The following PCDHGC3 variants were observed in gnomAD, a reference collection of about 807,000 sequenced individuals.
PCDHGC3 encodes the protein protocadherin gamma-C3.
In PCDHGC3, 26 loss-of-function variants were observed where a neutral mutation model predicts 59.2. That is an observed-to-expected ratio of 0.44 (90% CI 0.32 to 0.61). The LOEUF (loss-of-function observed/expected upper bound fraction) is 0.61, where lower values mean the gene tolerates loss of function less well. Ranked by LOEUF, PCDHGC3 falls within the 20% of genes least tolerant of loss-of-function variation. The probability of loss-of-function intolerance (pLI) is 0.05; values close to 1 mark genes in which losing one functional copy is unlikely to be tolerated. For synonymous variants in PCDHGC3, 487 were observed against 519.7 expected, an observed-to-expected ratio of 0.94 and a Z score of 0.86; for missense variants, 1,080 against 1,221.8, an observed-to-expected ratio of 0.88 and a Z score of 1.73.
At chr5:141,499,019 AG>A (rs2099788634) in intron 2 of PCDHGC3, among the ~76,000 whole-genome samples, 3 of 150,840 alleles carry the variant, frequency 2.0e-5, no homozygotes, top group Non-Finnish European at 3.0e-5. Context: ...GAAGGAAGGA[AG>A]GAAGGAAGAA....
chr5:141,500,937 C>G (rs910002814), intron 2 of PCDHGC3, among the ~76,000 whole-genome samples: 1 of 151,804 alleles, frequency 6.6e-6, no homozygotes, highest in Non-Finnish European at 1.5e-5. Context: ...GGCGCCATCT[C>G]GGCTCACTGC....
At position 141,505,504 on chromosome 5, in the gene PCDHGC3, T is replaced by C. The variant is rs756583857; in HGVS notation, c.2578+23T>C. The C allele has an allele frequency of 9.3e-6, 15 of 1,614,020 alleles. No individual in the cohort carries two copies. The African/African-American group carries it at 1.2e-4, about 13-fold the overall frequency. ...GTGGTAAGTGGTGTCAGTGTGTGTA[T>C]GGAAGAGTGGGAGACCTGGGGTTCT... On this transcript the variant is annotated intron_variant, in intron 3 of 3. Transcript: ENST00000308177.
At chr5:141,494,183 G>A (rs971032835) in intron 1 of PCDHGC3, among the ~76,000 whole-genome samples, 2 of 152,146 alleles carry the variant, frequency 1.3e-5, no homozygotes, top group Non-Finnish European at 2.9e-5. Context: ...GAAGTGTCCC[G>A]GGACTTGGAT....
Position 141,489,555 on chromosome 5 carries a change from A to G in PCDHGC3, c.2431-5252A>G, listed in dbSNP as rs909307566. ...GAGCCAGCACCAGCTGCCTGCTGCC[A>G]GTGCAGGTGGTGACTGAACACCCCC... is the stretch of plus-strand genomic sequence containing the variant. On this transcript the variant is annotated intron_variant, in intron 1 of 3. Transcript: ENST00000308177. The surrounding 1 kb of genome is among the most constrained non-coding windows in gnomAD (Gnocchi z 4.5). 2.5e-6 allele frequency: 4 copies of G among 1,613,998 alleles called. No homozygotes were observed. The African/African-American group carries it at 5.3e-5, about 22-fold the overall frequency.
rs533830391 is a variant in PCDHGC3, at chr5:141,492,559, C to T, written c.2431-2248C>T. 4.6e-5 allele frequency among the ~76,000 whole-genome samples: 7 copies of T among 152,292 alleles called. No homozygotes were observed. The East Asian group carries it at 1.4e-3, about 29-fold the overall frequency. The stretch of plus-strand genomic sequence containing the variant: ...GGGCTGGGCCGGGTCGCCTGGGGGG[C>T]GGCCTGAGCGAGGCGCGGGGCCAGG... On this transcript the variant is annotated intron_variant, in intron 1 of 3. Coordinates refer to ENST00000308177, the MANE Select transcript of PCDHGC3 (RefSeq NM_002588.4).
At chr5:141,499,707 T>G (rs1303008532) in intron 2 of PCDHGC3, among the ~76,000 whole-genome samples, 2 of 150,494 alleles carry the variant, frequency 1.3e-5, no homozygotes, top group African/African-American at 2.5e-5. Flanking sequence ...TTTTTTTTTT[T>G]TTTTGGAGAC....
At chr5:141,502,140 G>A (rs534984161) in intron 2 of PCDHGC3, among the ~76,000 whole-genome samples, 1 of 152,268 alleles carries the variant, frequency 6.6e-6, no homozygotes, top group South Asian at 2.1e-4. Context: ...CAGTCGGGCC[G>A]GAAGTAAGGA....
rs774271747 is a variant in PCDHGC3 at position 141,485,866 on chromosome 5, C to A, written c.2430+7320C>A. On this transcript the variant is annotated intron_variant, in intron 1 of 3. Coordinates refer to ENST00000308177, the MANE Select transcript of PCDHGC3 (RefSeq NM_002588.4). The surrounding 1 kb of genome is among the most constrained non-coding windows in gnomAD (Gnocchi z 5.7). Reference sequence around the variant, plus strand: ...CTGGCACCGCAGAGCTCCGGGTATCCGTGCTGGACGTAAACGACAACGCCC... The same window carrying A: ...CTGGCACCGCAGAGCTCCGGGTATCAGTGCTGGACGTAAACGACAACGCCC... 2 of 1,614,144 alleles carry A rather than the reference C, an allele frequency of 1.2e-6. No homozygotes were observed. Among genetic ancestry groups the A allele is most frequent in the South Asian group, 1.1e-5 (1 of 91,074 alleles).
chr5:141,495,424 A>C (rs927637242), intron 2 of PCDHGC3, among the ~76,000 whole-genome samples: 1 of 152,088 alleles, frequency 6.6e-6, no homozygotes, highest in African/African-American at 2.4e-5. Context: ...CCCTCCTCCC[A>C]CTGTCCTCTG....
In PCDHGC3 at chr5:141,487,608, G is replaced by T; in HGVS notation, c.2431-7199G>T. 1 of 1,614,182 alleles carries T rather than the reference G, an allele frequency of 6.2e-7. No individual in the cohort carries two copies. The highest frequency in any genetic ancestry group is 8.5e-7 in the Non-Finnish European group (1 of 1,180,042). On this transcript the variant is annotated intron_variant, in intron 1 of 3. Coordinates refer to ENST00000308177, the MANE Select transcript of PCDHGC3 (RefSeq NM_002588.4). The surrounding 1 kb of genome is among the most constrained non-coding windows in gnomAD (Gnocchi z 5.0). ...TGCCCACCCTCTGATCTTCTCTATG[G>T]GCTAGAGGTGAGACCTTTGCAGGCT...
chr5:141,505,078 C>G (rs535590642), intron 2 of PCDHGC3, among the ~76,000 whole-genome samples: 81 of 152,298 alleles, frequency 5.3e-4, no homozygotes, highest in African/African-American at 2.0e-3. Flanking sequence ...AGGAGAATCG[C>G]TTGAACCCAG....
intron 2 of PCDHGC3, among the ~76,000 whole-genome samples, chr5:141,503,744 A>G (rs1310696654): frequency 2.0e-5 from 3 of 152,112 alleles, no homozygotes; most frequent in African/African-American, 4.8e-5. Context: ...GATGGTATAG[A>G]GGTCACACAT....
Position 141,511,381 on chromosome 5 carries a change from G to C in PCDHGC3, c.*208G>C. 8.5e-7 allele frequency: 1 copy of C among 1,170,380 alleles called. No individual in the cohort carries two copies. Among genetic ancestry groups the C allele is most frequent in the Non-Finnish European group, 1.2e-6 (1 of 854,768 alleles). 72.5% of individuals were successfully genotyped at this position (1,170,380 alleles called of 1,614,324 possible). On this transcript the variant is annotated 3_prime_UTR_variant, in exon 4 of 4. Coordinates refer to ENST00000308177, the MANE Select transcript of PCDHGC3 (RefSeq NM_002588.4). The stretch of plus-strand genomic sequence containing the variant: ...GGGTTGAATATGCAAAAGCAGTTCC[G>C]CTGGGAACCCCCATCCAATCAACTG...
At chr5:141,482,667 G>C (rs2099569914) in intron 1 of PCDHGC3, among the ~76,000 whole-genome samples, 1 of 151,094 alleles carries the variant, frequency 6.6e-6, no homozygotes, top group Admixed American at 6.6e-5. Context: ...ATGATCTAAA[G>C]GTTGAGTAGT....
chr5:141,477,970 T>G lies in PCDHGC3; in HGVS notation c.1854T>G (p.Leu618=). ...YSLLGSPNQS[L]FAIGLHTGQI... ...TCTTGGGATCCCCTAACCAGAGCCTTTTTGCCATAGGGCTGCACACTGGTC... is the reference window on the plus strand; with the variant it reads ...TCTTGGGATCCCCTAACCAGAGCCTGTTTGCCATAGGGCTGCACACTGGTC... The change falls in exon 1 of 4, where the codon CTT becomes CTG. Residue 618 remains leucine, a synonymous_variant. Coordinates refer to ENST00000308177, the MANE Select transcript of PCDHGC3 (RefSeq NM_002588.4). This position sits in a 1 kb window ranked among gnomAD's most constrained non-coding sequence, Gnocchi z 4.9. 1 of 1,614,090 alleles carries G rather than the reference T, an allele frequency of 6.2e-7. No homozygotes were observed. The highest frequency in any genetic ancestry group is 8.5e-7 in the Non-Finnish European group (1 of 1,180,002).
chr5:141,476,523 C>G lies in PCDHGC3; in HGVS notation c.407C>G (p.Pro136Arg). The change falls in exon 1 of 4, where the codon CCT becomes CGT. Residue 136 changes from proline to arginine, a missense_variant. Pro to Arg is a moderately radical substitution (Grantham distance 103, BLOSUM62 -2). Transcript: ENST00000308177. This position sits in a 1 kb window ranked among gnomAD's most constrained non-coding sequence, Gnocchi z 7.6. ...QDINDNNPAF[P>R]TQEMKLEISE... ...ATCAACGACAACAATCCTGCTTTCC[C>G]TACCCAGGAAATGAAATTGGAGATT... is the stretch of plus-strand genomic sequence containing the variant. 1 of 1,614,218 alleles carries G rather than the reference C, an allele frequency of 6.2e-7. No individual in the cohort carries two copies.
rs573580017 is a variant in PCDHGC3, at chr5:141,484,867, G to T, written c.2430+6321G>T. 33 of 282,678 alleles carry T rather than the reference G, an allele frequency of 1.2e-4. No individual in the cohort carries two copies. The South Asian group carries it at 1.6e-3, about 14-fold the overall frequency. The allele number at this position is 282,678 out of a possible 1,614,324, so 17.5% of individuals were successfully genotyped here. On this transcript the variant is annotated intron_variant, in intron 1 of 3. Transcript: ENST00000308177. ...TGGGTTTTTTGGGGGGTGGGGGAGC[G>T]TGGAGGATAGGGTGGGCTTTTTCCC...
chr5:141,496,980 G>T (rs186715298), intron 2 of PCDHGC3, among the ~76,000 whole-genome samples: 1 of 151,974 alleles, frequency 6.6e-6, no homozygotes, highest in Admixed American at 6.6e-5. Flanking sequence ...GAGGTCAGGG[G>T]TTTGAGACCA....
chr5:141,510,251 C>G (rs569804850), intron 3 of PCDHGC3, among the ~76,000 whole-genome samples: 1 of 144,724 alleles, frequency 6.9e-6, no homozygotes, highest in African/African-American at 2.6e-5. Flanking sequence ...CCAGGCTGGG[C>G]GACAGAGCAG....
Sources: gnomAD v4.1 joint callset for allele counts (sites outside exome capture counted in the v4.1 genomes callset) on GRCh38, gnomAD v4.1.1 for gene constraint, Gnocchi (gnomAD v3.1) non-coding constraint, MANE v1.5 for transcripts, NCBI Gene and HGNC (gene_info 2026-07-23, HGNC 2026-07-21) for gene names.